Variants in NBEA observed in about 807,000 individuals in gnomAD.
The protein encoded by NBEA is lysosomal-trafficking regulator 2.
Under a neutral mutation model 343.4 loss-of-function variants are expected in NBEA, and 44 were observed. That is an observed-to-expected ratio of 0.13 (90% CI 0.10 to 0.16). The LOEUF is 0.16. Among genes scored for constraint, NBEA ranks in the 10% least tolerant of loss-of-function variants. The pLI is 1.00. For synonymous variants in NBEA, 1,175 were observed against 1,238.7 expected (o/e 0.95, Z 1.08); for missense variants, 2,555 against 3,631.3 (o/e 0.70, Z 7.62).
In NBEA at chr13:35,427,332, T is replaced by G. The variant is rs1467959272; in HGVS notation, c.6180-4937T>G. Among the ~76,000 whole-genome samples the G allele has an allele frequency of 2.0e-5, 3 of 152,192 alleles. No individual in the cohort carries two copies. The East Asian group carries it at 5.8e-4, about 29-fold the overall frequency. ...TTTTGGTGTGGATGTCCTTCCTGTT[T>G]GTTAGTTTTCCTTCTAACAGACAGG... On this transcript the variant is annotated intron_variant, in intron 38 of 58. Coordinates refer to ENST00000379939, the MANE Select transcript of NBEA (RefSeq NM_001385012.1).
At chr13:35,560,433 A>G (rs575195699) in intron 44 of NBEA, among the ~76,000 whole-genome samples, 2 of 152,340 alleles carry the variant, frequency 1.3e-5, no homozygotes, top group South Asian at 4.1e-4. Context: ...TTCTAGTACT[A>G]GATCTGGGCC....
intron 39 of NBEA, among the ~76,000 whole-genome samples, chr13:35,435,683 CAAGTTGAATTAAAAGA>C (rs918910040): frequency 6.6e-5 from 10 of 151,870 alleles, no homozygotes; most frequent in African/African-American, 2.4e-4. Context: ...TTTATCCCTG[CAAGTTGAATTAAAAGA>C]AAAAGCAATT....
chr13:34,997,526 T>A (rs570134134), intron 1 of NBEA, among the ~76,000 whole-genome samples: 1 of 152,298 alleles, frequency 6.6e-6, no homozygotes, highest in Admixed American at 6.5e-5. Context: ...TTTAAAAATA[T>A]TTATGCTGTG....
At chr13:35,612,261 T>C (rs923936965) in intron 48 of NBEA, among the ~76,000 whole-genome samples, 1 of 151,996 alleles carries the variant, frequency 6.6e-6, no homozygotes, top group East Asian at 1.9e-4. Context: ...GCCTCCTGAG[T>C]AGCTGGGACT....
At chr13:35,016,249 A>G in intron 1 of NBEA, among the ~76,000 whole-genome samples, 1 of 152,090 alleles carries the variant, frequency 6.6e-6, no homozygotes, top group Non-Finnish European at 1.5e-5. Flanking sequence ...ATGTAGATAT[A>G]TGTATACATA....
intron 13 of NBEA, among the ~76,000 whole-genome samples, chr13:35,114,610 C>T (rs2066404748): frequency 6.6e-6 from 1 of 152,040 alleles, no homozygotes. Context: ...TCTGTAAGAC[C>T]CTGGGTATCA....
chr13:35,283,521 A>G lies in NBEA; in HGVS notation c.5777-6868A>G, dbSNP rs1594071497. On this transcript the variant is annotated intron_variant, in intron 34 of 58. Coordinates refer to ENST00000379939, the MANE Select transcript of NBEA (RefSeq NM_001385012.1). ...TAAAATTAATAATATTAATTTCTTTATCAATCTTCGAAAATATCTCATGTA... is the reference window on the plus strand; with the variant it reads ...TAAAATTAATAATATTAATTTCTTTGTCAATCTTCGAAAATATCTCATGTA... Among the ~76,000 whole-genome samples the G allele has an allele frequency of 6.6e-5, 10 of 152,298 alleles. 4 individuals carry two copies. Among genetic ancestry groups the G allele is most frequent in the Admixed American group, 6.5e-4 (10 of 15,278 alleles).
At chr13:35,365,476 T>C (rs1260899910) in intron 38 of NBEA, among the ~76,000 whole-genome samples, 2 of 151,642 alleles carry the variant, frequency 1.3e-5, no homozygotes, top group East Asian at 3.9e-4. Flanking sequence ...TCTTAGTCTA[T>C]AACTTAGCTG....
At chr13:35,001,353 A>C (rs1223845017) in intron 1 of NBEA, among the ~76,000 whole-genome samples, 1 of 152,192 alleles carries the variant, frequency 6.6e-6, no homozygotes, top group Non-Finnish European at 1.5e-5. Flanking sequence ...TCAACATATG[A>C]AAGAGATACT....
intron 46 of NBEA, among the ~76,000 whole-genome samples, chr13:35,586,412 C>A (rs1456749583): frequency 2.0e-5 from 3 of 152,154 alleles, no homozygotes; most frequent in Non-Finnish European, 4.4e-5. Context: ...TCTACACCAG[C>A]ATAAGAAGTT....
chr13:34,994,197 C>CA, intron 1 of NBEA, among the ~76,000 whole-genome samples: 1 of 26,096 alleles, frequency 3.8e-5, no homozygotes, highest in Non-Finnish European at 6.5e-5. Context: ...GGCTCTGTCT[C>CA]CAAAAAAAAA....
At chr13:35,170,348 G>A (rs2152721777) in intron 25 of NBEA, among the ~76,000 whole-genome samples, 1 of 151,860 alleles carries the variant, frequency 6.6e-6, no homozygotes, top group South Asian at 2.1e-4. Flanking sequence ...AATGGCTAGT[G>A]TGTCCATTTT....
chr13:35,145,330 C>T (rs997759535), intron 18 of NBEA, among the ~76,000 whole-genome samples: 1 of 152,084 alleles, frequency 6.6e-6, no homozygotes, highest in African/African-American at 2.4e-5. Context: ...TCCTTTTGTT[C>T]GATGGACATG....
intron 35 of NBEA, among the ~76,000 whole-genome samples, chr13:35,295,137 T>G (rs1025179623): frequency 6.8e-6 from 1 of 148,146 alleles, no homozygotes; most frequent in Admixed American, 6.8e-5. Flanking sequence ...AATATAATAT[T>G]TATAATATAA....
chr13:35,347,371 T>C (rs2152861558), intron 36 of NBEA, among the ~76,000 whole-genome samples: 1 of 152,130 alleles, frequency 6.6e-6, no homozygotes, highest in African/African-American at 2.4e-5. Flanking sequence ...GTTATTGAAG[T>C]AGTACTCCTG....
At chr13:35,257,660 A>G (rs190116558) in intron 34 of NBEA, among the ~76,000 whole-genome samples, 3,742 of 150,818 alleles carry the variant, frequency 0.025, 155 homozygotes, top group African/African-American at 0.088. Context: ...TATTTTGGAA[A>G]AAGTTGTATA....
intron 10 of NBEA, 89 bp from the exon 11 acceptor site, chr13:35,098,208 A>C (rs1160375967): frequency 1.2e-6 from 1 of 829,184 alleles, no homozygotes; most frequent in Non-Finnish European, 1.9e-6. Context: ...GAATATGGTT[A>C]TCTTTTGGCA....
chr13:35,183,721 T>C (rs2071479239), intron 29 of NBEA, among the ~76,000 whole-genome samples: 2 of 152,062 alleles, frequency 1.3e-5, no homozygotes, highest in Admixed American at 1.3e-4. Flanking sequence ...CAAAAAGTAA[T>C]AGTATAGTGA....
At position 35,339,657 on chromosome 13, in the gene NBEA, G is replaced by A. The variant is rs562559393; in HGVS notation, c.5904-9451G>A. ...AATGCTGACATCTTCTTGGCTTCTG[G>A]GAGGCCTCAGGAAACAAACAAACAA... On this transcript the variant is annotated intron_variant, in intron 36 of 58. Transcript: ENST00000379939. Among the ~76,000 whole-genome samples the A allele has an allele frequency of 9.9e-5, 15 of 152,142 alleles. No homozygotes were observed. The South Asian group carries it at 2.5e-3, about 25-fold the overall frequency.
Sources: gnomAD v4.1 joint callset for allele counts (sites outside exome capture counted in the v4.1 genomes callset) on GRCh38, gnomAD v4.1.1 for gene constraint, MANE v1.5 for transcripts, NCBI Gene and HGNC (gene_info 2026-07-23, HGNC 2026-07-21) for gene names.